The following FKRP variants were observed in gnomAD, a reference collection of about 807,000 sequenced individuals.
The protein encoded by FKRP is ribitol 5-phosphate transferase FKRP.
FKRP carries 25 observed loss-of-function variants against 30.6 expected under a neutral mutation model. That is an observed-to-expected ratio of 0.82 (90% CI 0.60 to 1.14). The LOEUF (loss-of-function observed/expected upper bound fraction) is 1.14, where lower values mean the gene tolerates loss of function less well. Ranked by LOEUF, FKRP falls within the 50% of genes most tolerant of loss-of-function variation. The probability of loss-of-function intolerance (pLI) is 0.00; values close to 1 mark genes in which losing one functional copy is unlikely to be tolerated. For synonymous variants in FKRP, 358 were observed against 342.5 expected (o/e 1.05, Z -0.50); for missense variants, 771 against 727.8 (o/e 1.06, Z -0.68).
chr19:46,756,291 G>A lies in FKRP; in HGVS notation c.841G>A (p.Gly281Ser). The part of the protein sequence containing the change: ...ALGIRLVSWE[G>S]GRLEWFGCNK... ...GGGCATCCGCCTAGTGAGCTGGGAA[G>A]GCGGGCGGCTGGAGTGGTTCGGCTG... The change falls in exon 4 of 4, where the codon GGC becomes AGC. Residue 281 changes from glycine to serine, a missense_variant. Physicochemically the swap from Gly to Ser is moderately conservative, Grantham distance 56. Coordinates refer to ENST00000318584, the MANE Select transcript of FKRP (RefSeq NM_024301.5). The surrounding 1 kb of genome is among the most constrained non-coding windows in gnomAD (Gnocchi z 6.6). 2 of 1,531,422 alleles carry A rather than the reference G, an allele frequency of 1.3e-6. No individual in the cohort carries two copies. Among genetic ancestry groups the A allele is most frequent in the Non-Finnish European group, 1.7e-6 (2 of 1,143,418 alleles). The allele number at this position is 1,531,422 out of a possible 1,614,324, so 94.9% of individuals were successfully genotyped here.
intron 3 of FKRP, among the ~76,000 whole-genome samples, chr19:46,751,607 G>A (rs1464904762): frequency 7.9e-5 from 11 of 140,062 alleles, no homozygotes; most frequent in South Asian, 4.4e-4. Flanking sequence ...CGCCCAGGCC[G>A]GACTGCGGAC....
At chr19:46,746,783 C>G (rs1180057065) in intron 1 of FKRP, 1 of 152,200 alleles carries the variant, frequency 6.6e-6, no homozygotes, top group East Asian at 1.9e-4. Flanking sequence ...ACCCAAACAC[C>G]ACTCTCCTGG....
rs1438537760 is a variant in FKRP at position 46,748,512 on chromosome 19, C to G, written c.-190-3C>G. On this transcript the variant is annotated splice_region_variant and splice_polypyrimidine_tract_variant and intron_variant, in intron 2 of 3. Transcript: ENST00000318584. Reference sequence around the variant, plus strand: ...TTCTAACCGTCACATTCCCATTCCACAGGTGCAGGGACTGAGGCTCAGGCC... The same window carrying G: ...TTCTAACCGTCACATTCCCATTCCAGAGGTGCAGGGACTGAGGCTCAGGCC... The G allele has an allele frequency of 6.6e-6, 1 of 152,156 alleles. No individual in the cohort carries two copies. The highest frequency in any genetic ancestry group is 1.5e-5 in the Non-Finnish European group (1 of 68,036). 9.4% of individuals were successfully genotyped at this position (152,156 alleles called of 1,614,324 possible).
At chr19:46,745,401 A>G (rs1324794307), upstream of FKRP, among the ~76,000 whole-genome samples, 2 of 151,890 alleles carry the variant, frequency 1.3e-5, no homozygotes, top group Non-Finnish European at 2.9e-5. Context: ...GGGATCCCCA[A>G]AGTTTCTCCT....
chr19:46,747,550 C>G (rs184493670), intron 1 of FKRP: 1 of 152,022 alleles, frequency 6.6e-6, no homozygotes, highest in Non-Finnish European at 1.5e-5. Flanking sequence ...TGCGCCACCA[C>G]GCCCGGCTAA....
chr19:46,746,179 G>A (rs752405093), intron 1 of FKRP, 89 bp downstream of exon 1: 26 of 1,537,088 alleles, frequency 1.7e-5, no homozygotes, highest in Non-Finnish European at 3.5e-6. Flanking sequence ...CCTCCCAGCG[G>A]GCTTTCTCGG....
intron 3 of FKRP, among the ~76,000 whole-genome samples, chr19:46,755,025 A>G: frequency 6.6e-6 from 1 of 152,060 alleles, no homozygotes; most frequent in East Asian, 1.9e-4. Flanking sequence ...ACAGTTCAGT[A>G]GTGTTAAATG....
upstream of FKRP, chr19:46,745,968 G>T: frequency 1.4e-6 from 1 of 689,714 alleles, no homozygotes; most frequent in South Asian, 3.6e-5. Flanking sequence ...ACCCCGGAGT[G>T]CCCTCAGGAC....
rs77138370 is a variant in FKRP at position 46,756,272 on chromosome 19, C to T, written c.822C>T (p.Ile274=). ...CGGCGCTGCTCCGCGCGCTGGGCAT[C>T]CGCCTAGTGAGCTGGGAAGGCGGGC... ...RRAALLRALG[I]RLVSWEGGRL... is the part of the protein sequence containing the mutation. The change falls in exon 4 of 4, where the codon ATC becomes ATT. Residue 274 remains isoleucine (I), a synonymous_variant. Transcript: ENST00000318584. This position sits in a 1 kb window ranked among gnomAD's most constrained non-coding sequence, Gnocchi z 6.6. The T allele has an allele frequency of 1.3e-6, 2 of 1,508,780 alleles. No homozygotes were observed. Among genetic ancestry groups the T allele is most frequent in the African/African-American group, 1.4e-5 (1 of 72,030 alleles). 93.5% of individuals were successfully genotyped at this position (1,508,780 alleles called of 1,614,324 possible). A position where few individuals can be genotyped will look rare whatever the true frequency, so the allele number is the denominator to read the frequency against.
chr19:46,748,927 G>A (rs2054729425), intron 3 of FKRP: 1 of 152,142 alleles, frequency 6.6e-6, no homozygotes, highest in East Asian at 1.9e-4. Context: ...TTTTTTGGTA[G>A]AGAGGGGGTT....
Position 46,756,647 on chromosome 19 carries a change from G to A in FKRP, c.1197G>A (p.Glu399=), listed in dbSNP as rs2054933742. The A allele has an allele frequency of 6.2e-7, 1 of 1,613,346 alleles. No homozygotes were observed. The highest frequency in any genetic ancestry group is 1.3e-5 in the African/African-American group (1 of 74,938). Residue 399 remains glutamate (E), a synonymous_variant, in exon 4 of 4, where the codon GAG becomes GAA. Coordinates refer to ENST00000318584, the MANE Select transcript of FKRP (RefSeq NM_024301.5). This position sits in a 1 kb window ranked among gnomAD's most constrained non-coding sequence, Gnocchi z 6.6. ...GCTTCGTATGGGAGAAGGCGGTCGAGGGCGACTTTTTCCGCGTGCAGTACA... is the reference window on the plus strand; with the variant it reads ...GCTTCGTATGGGAGAAGGCGGTCGAAGGCGACTTTTTCCGCGTGCAGTACA... ...ERGFVWEKAV[E]GDFFRVQYSE... is the part of the protein sequence containing the mutation.
chr19:46,746,045 C>A, upstream of FKRP: 1 of 1,132,760 alleles, frequency 8.8e-7, no homozygotes, highest in South Asian at 2.3e-5. Flanking sequence ...CCCCGCCGGC[C>A]GTCCCGGCGG....
Sources: allele counts gnomAD v4.1 joint callset (sites outside exome capture counted in the v4.1 genomes callset), GRCh38; gene constraint gnomAD v4.1.1; non-coding constraint Gnocchi (gnomAD v3.1); transcripts MANE v1.5; gene names NCBI Gene and HGNC (gene_info 2026-07-23, HGNC 2026-07-21).